Variants in FCRL2 observed in about 807,000 individuals in gnomAD.
FCRL2 encodes the protein Fc receptor like 2.
FCRL2 carries 48 observed loss-of-function variants against 59.8 expected under a neutral mutation model. The ratio of observed to expected loss-of-function variants is 0.80; its 90% CI spans 0.64 to 1.02. The LOEUF is 1.02. Ranked by LOEUF, FCRL2 falls within the 50% of genes least tolerant of loss-of-function variation. The pLI is 0.00. For missense variants in FCRL2, 658 were observed against 597.3 expected (o/e 1.10, Z -1.06); for synonymous variants, 251 against 229.5 (o/e 1.09, Z -0.85).
intron 7 of FCRL2, among the ~76,000 whole-genome samples, chr1:157,752,017 G>T (rs755333543): frequency 1.3e-5 from 2 of 152,250 alleles, no homozygotes; most frequent in Non-Finnish European, 2.9e-5. Flanking sequence ...TTTCCATATT[G>T]CAGAAGGCTG....
intron 8 of FCRL2, 62 bp from the exon 9 acceptor site, chr1:157,749,022 G>A (rs1647982050): frequency 2.1e-6 from 3 of 1,429,092 alleles, no homozygotes; most frequent in South Asian, 2.3e-5. Context: ...ACAGAGGGGA[G>A]ACTGGCTGAG....
intron 4 of FCRL2, 133 bp downstream of exon 4, chr1:157,769,733 T>G: frequency 8.5e-7 from 1 of 1,178,202 alleles, no homozygotes; most frequent in Non-Finnish European, 1.2e-6. Flanking sequence ...GGCCGCAACC[T>G]GGAGGGTTTT....
At chr1:157,755,571 C>G (rs1002637042) in intron 7 of FCRL2, among the ~76,000 whole-genome samples, 6 of 152,054 alleles carry the variant, frequency 3.9e-5, no homozygotes, top group African/African-American at 1.4e-4. Flanking sequence ...GAAAAATTAT[C>G]GTAGCATTGT....
intron 1 of FCRL2, 96 bp downstream of exon 1, chr1:157,776,947 A>C (rs1650460308): frequency 8.3e-7 from 1 of 1,208,864 alleles, no homozygotes; most frequent in South Asian, 1.2e-5. Flanking sequence ...GAGCATCCCC[A>C]CCAGTCCCTG....
chr1:157,758,194 T>C (rs189098397), intron 7 of FCRL2, among the ~76,000 whole-genome samples: 1 of 152,122 alleles, frequency 6.6e-6, no homozygotes, highest in Admixed American at 6.5e-5. Flanking sequence ...GTTACCCAAA[T>C]AGAGGGTGGC....
chr1:157,764,150 GCA>G (rs1161204260), intron 7 of FCRL2, among the ~76,000 whole-genome samples: 4 of 152,068 alleles, frequency 2.6e-5, no homozygotes, highest in Non-Finnish European at 5.9e-5. Flanking sequence ...GTTGCAGTGA[GCA>G]GAGATTGCGC....
intron 7 of FCRL2, among the ~76,000 whole-genome samples, chr1:157,750,418 T>C (rs1648105609): frequency 1.3e-5 from 2 of 152,224 alleles, no homozygotes; most frequent in Admixed American, 1.3e-4. Flanking sequence ...TGTGTGTAGC[T>C]TCCAGAGGTC....
chr1:157,754,409 C>T (rs753498819), intron 7 of FCRL2, among the ~76,000 whole-genome samples: 1 of 152,162 alleles, frequency 6.6e-6, no homozygotes, highest in Non-Finnish European at 1.5e-5. Flanking sequence ...CATGAATAAT[C>T]CACCCCTTGT....
chr1:157,758,838 C>T (rs1648803431), intron 7 of FCRL2, among the ~76,000 whole-genome samples: 1 of 152,144 alleles, frequency 6.6e-6, no homozygotes, highest in African/African-American at 2.4e-5. Context: ...GGGGAAAGGA[C>T]TCTCTAATAA....
chr1:157,776,244 T>C (rs996495279), intron 1 of FCRL2, among the ~76,000 whole-genome samples: 11 of 152,192 alleles, frequency 7.2e-5, no homozygotes, highest in African/African-American at 2.4e-4. Flanking sequence ...GCCCTTTGTA[T>C]TCCAATAACA....
Position 157,775,757 on chromosome 1 carries a change from A to G in FCRL2, c.52+18T>C, listed in dbSNP as rs1650361178. 6.2e-7 allele frequency: 1 copy of G among 1,613,866 alleles called. No individual in the cohort carries two copies. The highest frequency in any genetic ancestry group is 1.3e-5 in the African/African-American group (1 of 74,930). On this transcript the variant is annotated intron_variant, in intron 2 of 11. Transcript: ENST00000361516. ...GATATGCCAGAGACCAAGAACAACAAAGACAAGGAGGACTCACCTGCCTGT... is the reference window on the plus strand; with the variant it reads ...GATATGCCAGAGACCAAGAACAACAGAGACAAGGAGGACTCACCTGCCTGT...
intron 7 of FCRL2, among the ~76,000 whole-genome samples, chr1:157,762,214 C>T (rs1649151104): frequency 6.6e-6 from 1 of 152,208 alleles, no homozygotes; most frequent in African/African-American, 2.4e-5. Flanking sequence ...CTGATACCTA[C>T]CCGCATGCAC....
At chr1:157,767,103 G>T in intron 6 of FCRL2, 128 bp downstream of exon 6, 1 of 1,327,866 alleles carries the variant, frequency 7.5e-7, no homozygotes, top group Admixed American at 2.2e-5. Context: ...CTTCAGGTTA[G>T]TGTGGGGAGA....
intron 4 of FCRL2, chr1:157,769,448 G>T: frequency 6.2e-6 from 1 of 161,798 alleles, no homozygotes; most frequent in Non-Finnish European, 1.4e-5. Context: ...GTTTTTTTGA[G>T]ACGGAGTCTC....
chr1:157,760,701 A>AAGAAAGAAAT (rs1648984323), intron 7 of FCRL2, among the ~76,000 whole-genome samples: 1 of 76,614 alleles, frequency 1.3e-5, no homozygotes, highest in South Asian at 5.0e-4. Context: ...GAAAGAAGGA[A>AAGAAAGAAAT]AGAAAGAAAG....
Position 157,769,866 on chromosome 1 carries a change from T to G in FCRL2, c.595A>C (p.Arg199=), listed in dbSNP as rs1649850174. 1 of 1,613,548 alleles carries G rather than the reference T, an allele frequency of 6.2e-7. No individual in the cohort carries two copies. Among genetic ancestry groups the G allele is most frequent in the East Asian group, 2.2e-5 (1 of 44,854 alleles). ...CAGGCTCAGCCTCACTGATACTTGC[T>G]CTGCACGTGAATCTGGGATTGGAGG... ...QSLQSQIHVQ[R]IPISNVSLEI... The change falls in exon 4 of 12, where the codon AGA becomes CGA. Residue 199 remains arginine, a splice_region_variant and synonymous_variant. Coordinates refer to ENST00000361516, the MANE Select transcript of FCRL2 (RefSeq NM_030764.4).
intron 2 of FCRL2, among the ~76,000 whole-genome samples, chr1:157,773,275 A>C (rs1049873278): frequency 6.6e-6 from 1 of 152,200 alleles, no homozygotes; most frequent in Non-Finnish European, 1.5e-5. Flanking sequence ...AGGCAGTCTT[A>C]AGGATTCTGT....
At chr1:157,767,780 T>TC in intron 5 of FCRL2, 1 of 1,180,210 alleles carries the variant, frequency 8.5e-7, no homozygotes, top group Non-Finnish European at 1.1e-6. Flanking sequence ...TCTTCATATT[T>TC]CTTTTTTTTC....
intron 7 of FCRL2, among the ~76,000 whole-genome samples, chr1:157,760,236 C>T (rs974040997): frequency 6.6e-6 from 1 of 152,092 alleles, no homozygotes; most frequent in Non-Finnish European, 1.5e-5. Flanking sequence ...GAGAGCTAAA[C>T]GTTGAGTGCA....
Sources: allele counts gnomAD v4.1 joint callset (sites outside exome capture counted in the v4.1 genomes callset), GRCh38; gene constraint gnomAD v4.1.1; transcripts MANE v1.5; gene names NCBI Gene and HGNC (gene_info 2026-07-23, HGNC 2026-07-21).